CTNNA2: variants seen among roughly 807,000 people sequenced by gnomAD.
CTNNA2 encodes catenin alpha 2, also known as catenin alpha-2.
In CTNNA2, 42 loss-of-function variants were observed where a neutral mutation model predicts 101.0. The observed-to-expected ratio is 0.42, with a 90% CI of 0.32 to 0.54. The LOEUF (loss-of-function observed/expected upper bound fraction) is 0.54, where lower values mean the gene tolerates loss of function less well. Among genes scored for constraint, CTNNA2 ranks in the 20% least tolerant of loss-of-function variants. The pLI is 0.14. For missense variants in CTNNA2, 871 were observed against 1,223.1 expected (o/e 0.71, Z 4.29); for synonymous variants, 450 against 456.4 (o/e 0.99, Z 0.18).
intron 9 of CTNNA2, among the ~76,000 whole-genome samples, chr2:80,530,195 G>T (rs142948780): frequency 2.6e-5 from 4 of 152,168 alleles, no homozygotes; most frequent in African/African-American, 9.6e-5. Context: ...TTCTGAGAGG[G>T]CGTGAAATAA....
chr2:80,079,026 A>G (rs1408510308), intron 7 of CTNNA2, among the ~76,000 whole-genome samples: 1 of 152,182 alleles, frequency 6.6e-6, no homozygotes, highest in Non-Finnish European at 1.5e-5. Context: ...CATTTACAAT[A>G]GAAAGTCTAC....
At chr2:79,910,825 A>T (rs1176153491) in intron 7 of CTNNA2, among the ~76,000 whole-genome samples, 1 of 152,198 alleles carries the variant, frequency 6.6e-6, no homozygotes, top group East Asian at 1.9e-4. Flanking sequence ...ATGAGTAAAA[A>T]TATGTAGCTA....
intron 12 of CTNNA2, among the ~76,000 whole-genome samples, chr2:80,558,933 C>T (rs1188695846): frequency 6.6e-6 from 1 of 152,118 alleles, no homozygotes; most frequent in Non-Finnish European, 1.5e-5. Context: ...ACTGTTGACA[C>T]TTTGGTCTGA....
intron 3 of CTNNA2, among the ~76,000 whole-genome samples, chr2:79,751,558 T>G (rs370077274): frequency 1.5e-5 from 2 of 131,276 alleles, no homozygotes; most frequent in East Asian, 2.5e-4. Context: ...ATTGTGCCAC[T>G]GTACTCCAGC....
intron 7 of CTNNA2, among the ~76,000 whole-genome samples, chr2:79,970,012 C>A (rs992435229): frequency 2.6e-5 from 4 of 152,142 alleles, no homozygotes; most frequent in Admixed American, 6.5e-5. Context: ...CCTGTGAAAG[C>A]GACTGATATT....
intron 2 of CTNNA2, among the ~76,000 whole-genome samples, chr2:79,280,652 T>TAA (rs1453593121): frequency 2.5e-5 from 3 of 121,106 alleles, no homozygotes; most frequent in Non-Finnish European, 3.5e-5. Flanking sequence ...TGTGTGTGTG[T>TAA]GTGTAAGAGA....
chr2:80,370,213 T>C (rs1675314422), intron 7 of CTNNA2, among the ~76,000 whole-genome samples: 2 of 151,978 alleles, frequency 1.3e-5, no homozygotes, highest in African/African-American at 4.8e-5. Context: ...CATTGTATCC[T>C]ATTTCAGCGA....
intron 6 of CTNNA2, among the ~76,000 whole-genome samples, chr2:79,902,629 CTTTT>C (rs111234732): frequency 7.0e-6 from 1 of 142,286 alleles, no homozygotes; most frequent in Admixed American, 7.0e-5. Context: ...TCTTCCTCTT[CTTTT>C]TTTTTTTTTT....
chr2:80,171,873 G>C (rs1705082408), intron 7 of CTNNA2, among the ~76,000 whole-genome samples: 1 of 152,162 alleles, frequency 6.6e-6, no homozygotes, highest in Non-Finnish European at 1.5e-5. Flanking sequence ...AAGGCTAGCA[G>C]GAGACAATTT....
At chr2:80,069,045 C>T (rs952394050) in intron 7 of CTNNA2, among the ~76,000 whole-genome samples, 1 of 152,076 alleles carries the variant, frequency 6.6e-6, no homozygotes, top group Non-Finnish European at 1.5e-5. Flanking sequence ...CAAAATGTCC[C>T]CTGATAGGCT....
chr2:80,598,116 G>C (rs1315196196), intron 15 of CTNNA2, among the ~76,000 whole-genome samples: 1 of 152,140 alleles, frequency 6.6e-6, no homozygotes, highest in Non-Finnish European at 1.5e-5. Flanking sequence ...CCATGGAATA[G>C]TATCCAGCCA....
At position 79,917,122 on chromosome 2, in the gene CTNNA2, A is replaced by G. The variant is rs555098398; in HGVS notation, c.1056+7325A>G. Reference sequence around the variant, plus strand: ...GAGTCTTGCTTTGTGGCCAGGCTGTAGTGGAGTGGTGCGATCTCGGCTCAC... The same window carrying G: ...GAGTCTTGCTTTGTGGCCAGGCTGTGGTGGAGTGGTGCGATCTCGGCTCAC... On this transcript the variant is annotated intron_variant, in intron 7 of 18. Transcript: ENST00000402739. Among the ~76,000 whole-genome samples the G allele has an allele frequency of 8.6e-5, 13 of 151,418 alleles. No homozygotes were observed. The East Asian group carries it at 2.6e-3, about 30-fold the overall frequency.
intron 7 of CTNNA2, among the ~76,000 whole-genome samples, chr2:80,316,995 G>A (rs985892048): frequency 1.3e-5 from 2 of 152,114 alleles, no homozygotes; most frequent in African/African-American, 2.4e-5. Context: ...CTTCCTTGAG[G>A]TGGTGGTATT....
chr2:79,415,041 C>T (rs1041803246), intron 4 of CTNNA2, among the ~76,000 whole-genome samples: 34 of 152,108 alleles, frequency 2.2e-4, no homozygotes, highest in African/African-American at 8.0e-4. Flanking sequence ...ACCATCACTC[C>T]CTGTTGTGGT....
At chr2:80,332,478 A>C (rs967474090) in intron 7 of CTNNA2, among the ~76,000 whole-genome samples, 1 of 152,198 alleles carries the variant, frequency 6.6e-6, no homozygotes, top group African/African-American at 2.4e-5. Flanking sequence ...AAACTGGAGA[A>C]ATCTCAGCAT....
intron 7 of CTNNA2, among the ~76,000 whole-genome samples, chr2:80,190,066 T>G (rs1706392345): frequency 6.6e-6 from 1 of 151,950 alleles, no homozygotes; most frequent in Admixed American, 6.5e-5. Context: ...AGATTCAATG[T>G]GTGCACACAT....
chr2:80,195,140 G>C (rs1706753052), intron 7 of CTNNA2, among the ~76,000 whole-genome samples: 1 of 152,160 alleles, frequency 6.6e-6, no homozygotes, highest in South Asian at 2.1e-4. Context: ...ACAGTTGACT[G>C]TTCTTGATGA....
chr2:79,840,322 A>G (rs774241538), intron 3 of CTNNA2, among the ~76,000 whole-genome samples: 20 of 152,212 alleles, frequency 1.3e-4, no homozygotes, highest in Non-Finnish European at 2.1e-4. Context: ...GAAGGTCAAG[A>G]CATTCTCCTA....
chr2:80,338,388 G>C (rs911808227), intron 7 of CTNNA2, among the ~76,000 whole-genome samples: 1 of 151,736 alleles, frequency 6.6e-6, no homozygotes, highest in Non-Finnish European at 1.5e-5. Flanking sequence ...CTTTCTGTGG[G>C]AACTCCAGAA....
Sources: allele counts gnomAD v4.1 joint callset (sites outside exome capture counted in the v4.1 genomes callset), GRCh38; gene constraint gnomAD v4.1.1; transcripts MANE v1.5; gene names NCBI Gene and HGNC (gene_info 2026-07-23, HGNC 2026-07-21).